Variants in MYH7 observed in about 807,000 individuals in gnomAD.
The protein encoded by MYH7 is myosin heavy chain 7.
MYH7 carries 129 observed loss-of-function variants against 225.4 expected under a neutral mutation model. That is an observed-to-expected ratio of 0.57 (90% CI 0.50 to 0.66). The LOEUF (loss-of-function observed/expected upper bound fraction) is 0.66, where lower values mean the gene tolerates loss of function less well. Among genes scored for constraint, MYH7 ranks in the 30% least tolerant of loss-of-function variants. The pLI is 0.00. For synonymous variants in MYH7, 971 were observed against 1,007.6 expected (o/e 0.96, Z 0.69); for missense variants, 1,649 against 2,517.0 (o/e 0.66, Z 7.38).
chr14:23,429,047 T>A lies in MYH7; in HGVS notation c.1315A>T (p.Met439Leu), dbSNP rs370310929. 1.1e-5 allele frequency: 18 copies of A among 1,614,080 alleles called. No homozygotes were observed. The highest frequency in any genetic ancestry group is 1.5e-5 in the Non-Finnish European group (18 of 1,180,048). The change falls in exon 14 of 40, where the codon ATG (methionine) becomes TTG (leucine). Residue 439 changes from methionine to leucine, a missense_variant. By Grantham distance (15) the Met-to-Leu change is conservative. Coordinates refer to ENST00000355349, the MANE Select transcript of MYH7 (RefSeq NM_000257.4). ...AGGGTGGCATTGATGCGCGTCACCA[T>A]CCAGTTGAACATCCTCTCATACACT... is the stretch of plus-strand genomic sequence containing the variant. ...KAVYERMFNW[M>L]VTRINATLET...
chr14:23,418,351 A>T lies in MYH7; in HGVS notation c.4028T>A (p.Leu1343Gln). 6.2e-7 allele frequency: 1 copy of T among 1,613,892 alleles called. No individual in the cohort carries two copies. The highest frequency in any genetic ancestry group is 8.5e-7 in the Non-Finnish European group (1 of 1,179,952). Residue 1343 changes from leucine (L) to glutamine (Q), a missense_variant, in exon 30 of 40, where the codon CTG becomes CAG. Coordinates refer to ENST00000355349, the MANE Select transcript of MYH7 (RefSeq NM_000257.4). ...CGTCTCCTCCTCGTACTGCTCCCGC[A>T]GCAGGTCGCAGTCATGCCGGGCCGA... ...LQSARHDCDLLREQYEEETEA... is the reference protein window; with the variant it reads ...LQSARHDCDLQREQYEEETEA...
In MYH7 at chr14:23,426,768, T is replaced by G; in HGVS notation, c.2044+9A>C. 1 of 1,613,686 alleles carries G rather than the reference T, an allele frequency of 6.2e-7. No individual in the cohort carries two copies. The highest frequency in any genetic ancestry group is 8.5e-7 in the Non-Finnish European group (1 of 1,179,566). On this transcript the variant is annotated intron_variant, in intron 18 of 39. Coordinates refer to ENST00000355349, the MANE Select transcript of MYH7 (RefSeq NM_000257.4). ...CCAGCAGTGGGTTGGCCTGAGTTTG[T>G]GGCCTCACCTGGAGACTTTGTCTCA...
At chr14:23,420,346 A>G (rs1015530825) in intron 26 of MYH7, 112 bp from the exon 27 acceptor site, 116 of 1,533,580 alleles carry the variant, frequency 7.6e-5, no homozygotes, top group Non-Finnish European at 3.9e-5. Flanking sequence ...TAGCTCTTCC[A>G]GTGGAGAGGT....
At position 23,425,760 on chromosome 14, in the gene MYH7, C is replaced by A. The variant is rs121913632; in HGVS notation, c.2221G>T (p.Gly741Trp). The change falls in exon 20 of 40, where the codon GGG (glycine) becomes TGG (tryptophan). Residue 741 changes from glycine (G) to tryptophan (W), a missense_variant. By Grantham distance (184) the Gly-to-Trp change is radical. Coordinates refer to ENST00000355349, the MANE Select transcript of MYH7 (RefSeq NM_000257.4). This position sits in a 1 kb window ranked among gnomAD's most constrained non-coding sequence, Gnocchi z 4.6. ...PEGQFIDSRK[G>W]AEKLLSSLDI... ...AGGGAGCTGAGCAGCTTCTCTGCCC[C>A]CTTCCTGCTATCAATGAACTGTCCC... is the stretch of plus-strand genomic sequence containing the variant. 2 of 1,613,886 alleles carry A rather than the reference C, an allele frequency of 1.2e-6. No individual in the cohort carries two copies. The highest frequency in any genetic ancestry group is 1.7e-6 in the Non-Finnish European group (2 of 1,179,886).
Position 23,429,122 on chromosome 14 carries a change from G to A in MYH7, c.1258-18C>T, listed in dbSNP as rs768778032. 3.7e-6 allele frequency: 6 copies of A among 1,614,208 alleles called. No homozygotes were observed. In the South Asian group the frequency reaches 6.6e-5, roughly 18 times the overall value. On this transcript the variant is annotated intron_variant, in intron 13 of 39. Coordinates refer to ENST00000355349, the MANE Select transcript of MYH7 (RefSeq NM_000257.4). ...TATATCACCTGCAAGGTGGAGGAGA[G>A]ACCCATATTGAGCAGGGTTGTTGGG... is the stretch of plus-strand genomic sequence containing the variant.
At chr14:23,431,545 A>C (rs746023621) in intron 8 of MYH7, 40 bp downstream of exon 8, 61 of 1,613,858 alleles carry the variant, frequency 3.8e-5, no homozygotes, top group Non-Finnish European at 5.1e-5. Context: ...CCATTCCTCC[A>C]CCAGTCCAAG....
Position 23,431,799 on chromosome 14 carries a change from T to A in MYH7, c.601A>T (p.Ile201Phe), listed in dbSNP as rs747136781. 1 of 1,614,254 alleles carries A rather than the reference T, an allele frequency of 6.2e-7. No individual in the cohort carries two copies. Among genetic ancestry groups the A allele is most frequent in the Admixed American group, 1.7e-5 (1 of 60,038 alleles). The part of the protein sequence containing the change: ...VIQYFAVIAA[I>F]GDRSKKDQSP... ...TGGTCCTTCTTGCTGCGGTCCCCAA[T>A]GGCTGCAATAACAGCAAAGTACTGG... Residue 201 changes from isoleucine to phenylalanine, a missense_variant, in exon 7 of 40, where the codon ATT becomes TTT. Ile to Phe is a conservative substitution (Grantham distance 21). Transcript: ENST00000355349.
intron 9 of MYH7, among the ~76,000 whole-genome samples, 188 bp downstream of exon 9, chr14:23,431,230 A>G (rs1892923197): frequency 6.6e-6 from 1 of 152,146 alleles, no homozygotes; most frequent in Non-Finnish European, 1.5e-5. Flanking sequence ...AGAGACAGAA[A>G]TGGAGAAAGA....
At chr14:23,418,109 C>T in intron 30 of MYH7, 101 bp downstream of exon 30, 1 of 1,559,050 alleles carries the variant, frequency 6.4e-7, no homozygotes. Flanking sequence ...TTGTCAAACA[C>T]TAGCTAAGCA....
In MYH7 at chr14:23,423,476, C is replaced by T. The variant is rs1892564356; in HGVS notation, c.3099+71G>A. 6 of 1,544,890 alleles carry T rather than the reference C, an allele frequency of 3.9e-6. No individual in the cohort carries two copies. The South Asian group carries it at 5.6e-5, about 14-fold the overall frequency. On this transcript the variant is annotated intron_variant, in intron 24 of 39. Coordinates refer to ENST00000355349, the MANE Select transcript of MYH7 (RefSeq NM_000257.4). ...ACACACACACACACACACACACACA[C>T]ACACACACACAGAGCTCTGGGCACA...
Position 23,423,715 on chromosome 14 carries a change from G to A in MYH7, c.2931C>T (p.Asn977=), listed in dbSNP as rs757313728. Reference sequence around the variant, plus strand: ...CCAGCCCAGCCATCTCCTCTGTCAGGTTTTTCACCTGCCGACCAAGAATCC... The same window carrying A: ...CCAGCCCAGCCATCTCCTCTGTCAGATTTTTCACCTGCCGACCAAGAATCC... ...EKHATENKVK[N]LTEEMAGLDE... The change falls in exon 24 of 40, where the codon AAC becomes AAT. Residue 977 remains asparagine, a synonymous_variant. Transcript: ENST00000355349. 1 of 1,614,020 alleles carries A rather than the reference G, an allele frequency of 6.2e-7. No homozygotes were observed. Among genetic ancestry groups the A allele is most frequent in the Non-Finnish European group, 8.5e-7 (1 of 1,179,994 alleles).
rs572624728 is a variant in MYH7 at position 23,422,555 on chromosome 14, C to T, written c.3100-230G>A. Among the ~76,000 whole-genome samples, 9 of 149,222 alleles carry T rather than the reference C, an allele frequency of 6.0e-5. No individual in the cohort carries two copies. The South Asian group carries it at 6.3e-4, about 10-fold the overall frequency. ...TGACTGTGGGATGAAACCCCAAAGC[C>T]GTATTCTTTCTTTCTTTCCCTTTCT... On this transcript the variant is annotated intron_variant, in intron 24 of 39. Coordinates refer to ENST00000355349, the MANE Select transcript of MYH7 (RefSeq NM_000257.4).
At position 23,417,204 on chromosome 14, in the gene MYH7, C is replaced by T; in HGVS notation, c.4468G>A (p.Glu1490Lys). ...AAGGTCTCCAGATGTTCCAGGGACT[C>T]CTCATAGGCGTTCTTGAGTTTGAAG... is the stretch of plus-strand genomic sequence containing the variant. The part of the protein sequence containing the change: ...ELFKLKNAYE[E>K]SLEHLETFKR... The change falls in exon 32 of 40, where the codon GAG becomes AAG. Residue 1490 changes from glutamate to lysine, a missense_variant. Transcript: ENST00000355349. The T allele has an allele frequency of 6.2e-7, 1 of 1,614,220 alleles. No homozygotes were observed.
Position 23,421,001 on chromosome 14 carries a change from T to C in MYH7, c.3293A>G (p.Gln1098Arg). The change falls in exon 26 of 40, where the codon CAG (glutamine) becomes CGG (arginine). Residue 1098 changes from glutamine (Q) to arginine (R), a missense_variant. Transcript: ENST00000355349. ...CTTCTGCAGCTGGCTGCCGAGGGCC[T>C]GTTCATCCTCAATCCTTGCGTTGAG... Reference protein sequence around the residue: ...NALNARIEDEQALGSQLQKKL... With the variant: ...NALNARIEDERALGSQLQKKL... The C allele has an allele frequency of 1.2e-6, 2 of 1,612,732 alleles. No individual in the cohort carries two copies. The highest frequency in any genetic ancestry group is 8.5e-7 in the Non-Finnish European group (1 of 1,180,020).
At chr14:23,430,869 A>G (rs1209035636) in intron 10 of MYH7, 32 bp downstream of exon 10, 1 of 1,525,492 alleles carries the variant, frequency 6.6e-7, no homozygotes, top group Non-Finnish European at 9.1e-7. Flanking sequence ...TGCCATGGAG[A>G]TAGTTGGTCT....
rs1290425828 is a variant in MYH7 at position 23,432,419 on chromosome 14, G to A, written c.530+60C>T. 3.7e-6 allele frequency: 6 copies of A among 1,604,720 alleles called. No homozygotes were observed. The East Asian group carries it at 1.3e-4, about 36-fold the overall frequency. ...TGCCTCGGGGCCTGGGACACCTGAT[G>A]GGGCTGGAGGCTGGGATCAGGGAGA... is the stretch of plus-strand genomic sequence containing the variant. On this transcript the variant is annotated intron_variant, in intron 6 of 39. Transcript: ENST00000355349.
intron 17 of MYH7, 128 bp from the exon 18 acceptor site, chr14:23,426,992 C>G (rs1164708598): frequency 1.1e-6 from 1 of 949,678 alleles, no homozygotes; most frequent in Non-Finnish European, 1.7e-6. Flanking sequence ...TGAAGGGGCC[C>G]TGGGGGCAGA....
chr14:23,416,004 C>G lies in MYH7; in HGVS notation c.4953G>C (p.Lys1651Asn). 1.2e-6 allele frequency: 2 copies of G among 1,614,190 alleles called. No homozygotes were observed. The highest frequency in any genetic ancestry group is 1.7e-5 in the Admixed American group (1 of 60,034). The change falls in exon 34 of 40, where the codon AAG (lysine) becomes AAC (asparagine). Residue 1651 changes from lysine to asparagine, a missense_variant and splice_region_variant. Lys to Asn is a moderately conservative substitution (Grantham distance 94). Transcript: ENST00000355349. The stretch of plus-strand genomic sequence containing the variant: ...AGGCCAGTCCCCTCTGGGTGAGTAC[C>G]TTCAACAAGCTCTGGAGGCTCTTGA... ...KQVKSLQSLL[K>N]DTQIQLDDAV...
At chr14:23,435,121 C>T (rs1893090725) in intron 1 of MYH7, among the ~76,000 whole-genome samples, 1 of 152,046 alleles carries the variant, frequency 6.6e-6, no homozygotes, top group East Asian at 1.9e-4. Flanking sequence ...AGTCATGACT[C>T]GTGGAGGCAT....
Sources: allele counts gnomAD v4.1 joint callset (sites outside exome capture counted in the v4.1 genomes callset), GRCh38; gene constraint gnomAD v4.1.1; non-coding constraint Gnocchi (gnomAD v3.1); transcripts MANE v1.5; gene names NCBI Gene and HGNC (gene_info 2026-07-23, HGNC 2026-07-21).